COL25A1: variants seen among roughly 807,000 people sequenced by gnomAD.
COL25A1 encodes collagen type XXV alpha 1 chain, also known as collagen alpha-1(XXV) chain.
Under a neutral mutation model 128.4 loss-of-function variants are expected in COL25A1, and 103 were observed. The observed-to-expected ratio is 0.80, with a 90% CI of 0.68 to 0.94. The LOEUF is 0.94. Ranked by LOEUF, COL25A1 falls within the 40% of genes least tolerant of loss-of-function variation. The pLI is 0.00. For missense variants in COL25A1, 745 were observed against 840.0 expected (o/e 0.89, Z 1.40); for synonymous variants, 279 against 277.2 (o/e 1.01, Z -0.06).
At position 109,133,952 on chromosome 4, in the gene COL25A1, C is replaced by T. The variant is rs115819983; in HGVS notation, c.368-83773G>A. ...AGATTTTCACAAAATTCTATGTAAA[C>T]GCATTGAACACATCCTGGAAGAACT... On this transcript the variant is annotated intron_variant, in intron 3 of 37. Coordinates refer to ENST00000399132, the MANE Select transcript of COL25A1 (RefSeq NM_198721.4). 9.6e-3 allele frequency among the ~76,000 whole-genome samples: 1,458 copies of T among 152,108 alleles called. 21 individuals are homozygous for T. The highest frequency in any genetic ancestry group is 0.033 in the African/African-American group (1,354 of 41,496).
intron 3 of COL25A1, among the ~76,000 whole-genome samples, chr4:109,295,228 A>G (rs985543508): frequency 3.3e-5 from 5 of 152,256 alleles, no homozygotes; most frequent in African/African-American, 1.2e-4. Context: ...CTAAGAAACA[A>G]GAACATTGCT....
chr4:108,912,163 G>T lies in COL25A1; in HGVS notation c.780+6009C>A, dbSNP rs1352894920. 2.6e-5 allele frequency among the ~76,000 whole-genome samples: 4 copies of T among 152,100 alleles called. No homozygotes were observed. In the East Asian group the frequency reaches 5.8e-4, roughly 22 times the overall value. On this transcript the variant is annotated intron_variant, in intron 13 of 37. Coordinates refer to ENST00000399132, the MANE Select transcript of COL25A1 (RefSeq NM_198721.4). Reference sequence around the variant, plus strand: ...ATGTCTTTAAGAGTAGAGTAGCCTTGTGTATAAAAATGGCTGAGAATGTAT... The same window carrying T: ...ATGTCTTTAAGAGTAGAGTAGCCTTTTGTATAAAAATGGCTGAGAATGTAT...
At position 109,194,748 on chromosome 4, in the gene COL25A1, C is replaced by A. The variant is rs1484389872; in HGVS notation, c.367+105835G>T. Among the ~76,000 whole-genome samples the A allele has an allele frequency of 2.6e-5, 4 of 152,084 alleles. No individual in the cohort carries two copies. In the East Asian group the frequency reaches 7.7e-4, roughly 29 times the overall value. ...AATGGCCCCCGTTCTTCACCACTAC[C>A]AGTATCCATGCGCTTTATACCATGT... On this transcript the variant is annotated intron_variant, in intron 3 of 37. Coordinates refer to ENST00000399132, the MANE Select transcript of COL25A1 (RefSeq NM_198721.4).
intron 3 of COL25A1, among the ~76,000 whole-genome samples, chr4:109,253,875 C>G (rs1247187872): frequency 6.6e-6 from 1 of 152,110 alleles, no homozygotes; most frequent in Non-Finnish European, 1.5e-5. Context: ...ATCACGAGGT[C>G]AGGAGATTGA....
At chr4:109,080,202 C>T (rs1343087298) in intron 3 of COL25A1, among the ~76,000 whole-genome samples, 1 of 151,964 alleles carries the variant, frequency 6.6e-6, no homozygotes, top group African/African-American at 2.4e-5. Context: ...CCTGTTATTC[C>T]CATTTTATAG....
At chr4:109,040,618 T>A (rs904926924) in intron 5 of COL25A1, among the ~76,000 whole-genome samples, 14 of 152,166 alleles carry the variant, frequency 9.2e-5, no homozygotes, top group African/African-American at 3.1e-4. Context: ...CCATAAGATA[T>A]TTACAGGTCT....
intron 3 of COL25A1, among the ~76,000 whole-genome samples, chr4:109,065,644 T>C (rs1327584913): frequency 6.6e-6 from 1 of 151,964 alleles, no homozygotes; most frequent in Non-Finnish European, 1.5e-5. Context: ...TCCCTTACTT[T>C]TATTCCATTG....
intron 8 of COL25A1, among the ~76,000 whole-genome samples, chr4:108,951,967 G>T (rs988875655): frequency 6.6e-6 from 1 of 152,166 alleles, no homozygotes; most frequent in Non-Finnish European, 1.5e-5. Context: ...TTTAAGAAGG[G>T]ATTGTGAGCC....
In COL25A1 at chr4:108,811,998, C is replaced by G. The variant is rs1730833767; in HGVS notation, c.*1929G>C. The G allele has an allele frequency of 6.6e-6, 1 of 152,156 alleles. No homozygotes were observed. Among genetic ancestry groups the G allele is most frequent in the African/African-American group, 2.4e-5 (1 of 41,448 alleles). 9.4% of individuals were successfully genotyped at this position (152,156 alleles called of 1,614,324 possible). A position where few individuals can be genotyped will look rare whatever the true frequency, so the allele number is the denominator to read the frequency against. On this transcript the variant is annotated 3_prime_UTR_variant, in exon 38 of 38. Transcript: ENST00000399132. ...GACACCTATGCATGAAACTAGAAAT[C>G]TTCCCAGAAGATGGCATTGAGTCAG...
intron 3 of COL25A1, among the ~76,000 whole-genome samples, chr4:109,119,251 G>A (rs1767896041): frequency 6.6e-6 from 1 of 151,846 alleles, no homozygotes; most frequent in Non-Finnish European, 1.5e-5. Flanking sequence ...GCACGTATTA[G>A]AAAAGAAGAA....
At chr4:109,031,409 C>T (rs1758850211) in intron 5 of COL25A1, among the ~76,000 whole-genome samples, 1 of 152,172 alleles carries the variant, frequency 6.6e-6, no homozygotes, top group South Asian at 2.1e-4. Flanking sequence ...AGCCACCGCG[C>T]CAGGCCATGT....
intron 6 of COL25A1, among the ~76,000 whole-genome samples, chr4:108,988,227 T>C (rs968369823): frequency 6.6e-6 from 1 of 152,220 alleles, no homozygotes; most frequent in Non-Finnish European, 1.5e-5. Flanking sequence ...TCCACTCCCT[T>C]TCTCTCAAAT....
At chr4:108,880,809 G>C (rs571912984) in intron 19 of COL25A1, among the ~76,000 whole-genome samples, 6 of 152,260 alleles carry the variant, frequency 3.9e-5, no homozygotes, top group South Asian at 2.1e-4. Flanking sequence ...CCATAGAAAG[G>C]GGGTAAGTAA....
At chr4:109,181,442 C>T (rs1774618824) in intron 3 of COL25A1, among the ~76,000 whole-genome samples, 1 of 152,022 alleles carries the variant, frequency 6.6e-6, no homozygotes. Flanking sequence ...TTAATTAACA[C>T]AGATTTAATT....
At chr4:109,204,282 T>C (rs979856761) in intron 3 of COL25A1, among the ~76,000 whole-genome samples, 7 of 152,198 alleles carry the variant, frequency 4.6e-5, no homozygotes, top group Non-Finnish European at 7.3e-5. Flanking sequence ...CCAAAGTGGC[T>C]GGATTACTCC....
intron 16 of COL25A1, among the ~76,000 whole-genome samples, chr4:108,891,514 T>G (rs1046314104): frequency 6.6e-6 from 1 of 152,162 alleles, no homozygotes; most frequent in Non-Finnish European, 1.5e-5. Flanking sequence ...TTGCAATATT[T>G]TATACAATAA....
chr4:108,904,917 T>TA (rs1743288329), intron 13 of COL25A1, among the ~76,000 whole-genome samples: 3 of 146,914 alleles, frequency 2.0e-5, no homozygotes, highest in African/African-American at 5.1e-5. Flanking sequence ...CATTTTTTTT[T>TA]TAAAAAAACA....
At chr4:109,089,050 C>T (rs1019660809) in intron 3 of COL25A1, among the ~76,000 whole-genome samples, 3 of 152,180 alleles carry the variant, frequency 2.0e-5, no homozygotes, top group African/African-American at 4.8e-5. Flanking sequence ...AGGGGCTTCA[C>T]CTGCCCATGA....
chr4:108,992,230 A>G (rs1386827398), intron 6 of COL25A1, among the ~76,000 whole-genome samples: 1 of 152,204 alleles, frequency 6.6e-6, no homozygotes, highest in Admixed American at 6.5e-5. Flanking sequence ...ATGAAACTCC[A>G]AAAGAGAGTT....
Sources: allele counts gnomAD v4.1 joint callset (sites outside exome capture counted in the v4.1 genomes callset), GRCh38; gene constraint gnomAD v4.1.1; transcripts MANE v1.5; gene names NCBI Gene and HGNC (gene_info 2026-07-23, HGNC 2026-07-21).